Variants in SASH1 observed in about 807,000 individuals in gnomAD.
The protein encoded by SASH1 is SAM and SH3 domain-containing protein 1.
Under a neutral mutation model 125.2 loss-of-function variants are expected in SASH1, and 44 were observed. The ratio of observed to expected loss-of-function variants is 0.35; its 90% CI spans 0.28 to 0.45. SASH1 has a LOEUF of 0.45. Ranked by LOEUF, SASH1 falls within the 20% of genes least tolerant of loss-of-function variation. The pLI is 1.00. For missense variants in SASH1, 1,426 were observed against 1,614.5 expected, an observed-to-expected ratio of 0.88 and a Z score of 2.00; for synonymous variants, 639 against 649.1, an observed-to-expected ratio of 0.98 and a Z score of 0.24.
chr6:148,205,757 G>T, the SASH1 span, among the ~76,000 whole-genome samples: 2 of 152,248 alleles, frequency 1.3e-5, no homozygotes, highest in African/African-American at 4.8e-5. Flanking sequence ...TGGTGGGCCT[G>T]GACTGAACCC....
chr6:148,421,149 G>GGAAGGAAGGAAGA (rs1562396374), intron 2 of SASH1, among the ~76,000 whole-genome samples: 1 of 67,314 alleles, frequency 1.5e-5, no homozygotes. Flanking sequence ...AAGGAAGGAA[G>GGAAGGAAGGAAGA]AAAGAAAGAA....
intron 8 of SASH1, among the ~76,000 whole-genome samples, chr6:148,492,345 G>A (rs1431709544): frequency 6.6e-6 from 1 of 152,170 alleles, no homozygotes; most frequent in African/African-American, 2.4e-5. Context: ...AGAATGAAAT[G>A]GGTTCTTCTT....
rs186974033 is a variant in SASH1 at position 148,474,528 on chromosome 6, A to G, written c.627+306A>G. On this transcript the variant is annotated intron_variant, in intron 7 of 19. Transcript: ENST00000367467. Reference sequence around the variant, plus strand: ...GAATGTAATCAGTAGTAAAAGATCAATTATTAAATAAAAATCAAATGTACT... The same window carrying G: ...GAATGTAATCAGTAGTAAAAGATCAGTTATTAAATAAAAATCAAATGTACT... 4.6e-5 allele frequency among the ~76,000 whole-genome samples: 7 copies of G among 152,364 alleles called. No homozygotes were observed. In the East Asian group the frequency reaches 9.6e-4, roughly 21 times the overall value.
At chr6:148,448,042 G>C (rs1467343570) in intron 4 of SASH1, among the ~76,000 whole-genome samples, 1 of 151,970 alleles carries the variant, frequency 6.6e-6, no homozygotes, top group Non-Finnish European at 1.5e-5. Flanking sequence ...GTAATCCACA[G>C]ACTTGAGGTG....
intron 17 of SASH1, 33 bp downstream of exon 17, chr6:148,540,589 T>G: frequency 1.3e-6 from 2 of 1,497,876 alleles, no homozygotes; most frequent in South Asian, 1.1e-5. Flanking sequence ...GGAACCTGCT[T>G]TGACAAGTAC....
chr6:148,467,440 A>G (rs1190694390), intron 4 of SASH1, among the ~76,000 whole-genome samples: 1 of 152,090 alleles, frequency 6.6e-6, no homozygotes, highest in Non-Finnish European at 1.5e-5. Flanking sequence ...TTCTGGAGAA[A>G]TGCTTAATGA....
At chr6:148,215,122 G>A in the SASH1 span, among the ~76,000 whole-genome samples, 2 of 152,212 alleles carry the variant, frequency 1.3e-5, no homozygotes, top group Non-Finnish European at 2.9e-5. Flanking sequence ...CAGAGAGTTG[G>A]ACAGAAGACT....
In SASH1 at chr6:148,527,030, G is replaced by A. The variant is rs573116092; in HGVS notation, c.1285-423G>A. On this transcript the variant is annotated intron_variant, in intron 11 of 19. Coordinates refer to ENST00000367467, the MANE Select transcript of SASH1 (RefSeq NM_015278.5). ...TGGGACTACAGACGCCCACCACCAC[G>A]CCCAGCTAATTTTTTGTATTTTTAG... Among the ~76,000 whole-genome samples, 420 of 152,070 alleles carry A rather than the reference G, an allele frequency of 2.8e-3. 5 individuals are homozygous for A. The highest frequency in any genetic ancestry group is 9.7e-3 in the African/African-American group (402 of 41,460).
rs538473173 is a variant in SASH1, at chr6:148,292,117, G to C, written n.74+19740G>C. ...AATGTACTTAATGAAGTGTTTTTCA[G>C]GGTTACTTGAGATTAGAAAGTAGAC... On this transcript the variant is annotated intron_variant and non_coding_transcript_variant, in intron 1 of 3. Transcript: ENST00000367469. Among the ~76,000 whole-genome samples, 8 of 152,292 alleles carry C rather than the reference G, an allele frequency of 5.3e-5. No individual in the cohort carries two copies. The South Asian group carries it at 1.7e-3, about 32-fold the overall frequency.
intron 8 of SASH1, chr6:148,508,612 A>G: frequency 8.7e-7 from 1 of 1,147,970 alleles, no homozygotes; most frequent in Non-Finnish European, 1.1e-6. Flanking sequence ...TGCAGTTAGC[A>G]AGCGACTGGG....
the SASH1 span, among the ~76,000 whole-genome samples, chr6:148,211,271 T>C: frequency 6.6e-6 from 1 of 152,168 alleles, no homozygotes; most frequent in Non-Finnish European, 1.5e-5. Context: ...GAAAAGCCTT[T>C]TGAAGGGCTC....
rs554695409 is a variant in SASH1 at position 148,282,693 on chromosome 6, C to T, written n.74+10316C>T. 2.6e-5 allele frequency among the ~76,000 whole-genome samples: 4 copies of T among 152,120 alleles called. No individual in the cohort carries two copies. In the East Asian group the frequency reaches 5.8e-4, roughly 22 times the overall value. Reference sequence around the variant, plus strand: ...CCACGCCCAGCCTCAGGAGATCTTACGCATTTCTAATTCTGTCTTGGGGAA... The same window carrying T: ...CCACGCCCAGCCTCAGGAGATCTTATGCATTTCTAATTCTGTCTTGGGGAA... On this transcript the variant is annotated intron_variant and non_coding_transcript_variant, in intron 1 of 3. Transcript: ENST00000367469.
At chr6:148,504,211 G>A (rs1476000393) in intron 8 of SASH1, among the ~76,000 whole-genome samples, 1 of 152,178 alleles carries the variant, frequency 6.6e-6, no homozygotes, top group African/African-American at 2.4e-5. Context: ...AATCAGCAGA[G>A]CTGTTTGCAG....
intron 6 of SASH1, among the ~76,000 whole-genome samples, chr6:148,472,552 A>C (rs985178278): frequency 4.6e-5 from 7 of 151,978 alleles, no homozygotes; most frequent in African/African-American, 1.7e-4. Flanking sequence ...TTTTTAAAGA[A>C]CCCAACCAAC....
At chr6:148,432,826 A>G (rs549074141) in intron 2 of SASH1, among the ~76,000 whole-genome samples, 5 of 152,240 alleles carry the variant, frequency 3.3e-5, no homozygotes, top group Non-Finnish European at 7.3e-5. Context: ...TCCAGGATCT[A>G]ATTCTGCCCT....
intron 2 of SASH1, among the ~76,000 whole-genome samples, chr6:148,406,891 G>A (rs958639448): frequency 2.0e-5 from 3 of 151,042 alleles, no homozygotes. Context: ...AGAGAATCAG[G>A]CTCTCCAAGG....
intron 4 of SASH1, among the ~76,000 whole-genome samples, chr6:148,460,123 A>G (rs1017203823): frequency 3.9e-5 from 6 of 152,234 alleles, no homozygotes; most frequent in African/African-American, 2.4e-5. Context: ...TACAACCTCC[A>G]TATGTCTAAT....
At chr6:148,517,300 A>G (rs1386557732) in intron 9 of SASH1, among the ~76,000 whole-genome samples, 1 of 152,186 alleles carries the variant, frequency 6.6e-6, no homozygotes, top group Non-Finnish European at 1.5e-5. Flanking sequence ...GATGCAGAGC[A>G]TACCCCTGAG....
At chr6:148,515,633 G>A (rs915482773) in intron 9 of SASH1, among the ~76,000 whole-genome samples, 7 of 152,130 alleles carry the variant, frequency 4.6e-5, no homozygotes, top group African/African-American at 1.2e-4. Flanking sequence ...ATCTTTTTGC[G>A]TGGTAATTCT....
Sources: allele counts gnomAD v4.1 joint callset (sites outside exome capture counted in the v4.1 genomes callset), GRCh38; gene constraint gnomAD v4.1.1; transcripts MANE v1.5; gene names NCBI Gene and HGNC (gene_info 2026-07-23, HGNC 2026-07-21).